Variants in MYT1L observed in about 807,000 individuals in gnomAD.
The protein encoded by MYT1L is myelin transcription factor 1 like.
A neutral mutation model predicts 126.7 loss-of-function variants in MYT1L; 12 were observed. The ratio of observed to expected loss-of-function variants is 0.09; its 90% CI spans 0.06 to 0.15. MYT1L has a LOEUF of 0.15. Ranked by LOEUF, MYT1L falls within the 10% of genes least tolerant of loss-of-function variation. The pLI, the probability that MYT1L is intolerant of heterozygous loss-of-function variation, is 1.00. For synonymous variants in MYT1L, 541 were observed against 604.2 expected, an observed-to-expected ratio of 0.90 and a Z score of 1.53; for missense variants, 979 against 1,585.2, an observed-to-expected ratio of 0.62 and a Z score of 6.49.
intron 3 of MYT1L, among the ~76,000 whole-genome samples, chr2:2,138,020 G>C (rs984434198): frequency 1.7e-3 from 255 of 152,282 alleles, no homozygotes; most frequent in Non-Finnish European, 2.2e-3. Flanking sequence ...CCATCAAAAA[G>C]TGGGCAAAGG....
chr2:1,994,511 C>G (rs193284069), intron 5 of MYT1L, among the ~76,000 whole-genome samples: 2 of 152,344 alleles, frequency 1.3e-5, no homozygotes, highest in East Asian at 3.9e-4. Context: ...CCTGGTGATG[C>G]TCAGAGGTGT....
intron 22 of MYT1L, among the ~76,000 whole-genome samples, chr2:1,807,725 G>A (rs200948641): frequency 7.0e-6 from 1 of 142,504 alleles, no homozygotes; most frequent in Admixed American, 7.1e-5. Context: ...TAAAGTTACT[G>A]CACACAGGCT....
chr2:2,033,696 G>A (rs2066665475), intron 4 of MYT1L, among the ~76,000 whole-genome samples: 3 of 152,184 alleles, frequency 2.0e-5, no homozygotes, highest in South Asian at 4.1e-4. Flanking sequence ...TGGAGTAGGG[G>A]AATCTATTAA....
chr2:2,283,071 TC>T (rs996944076), intron 2 of MYT1L, among the ~76,000 whole-genome samples: 6 of 151,510 alleles, frequency 4.0e-5, no homozygotes, highest in Admixed American at 2.6e-4. Flanking sequence ...CCAGACTCCA[TC>T]CCCCCCAACA....
intron 3 of MYT1L, among the ~76,000 whole-genome samples, chr2:2,154,337 C>T (rs914949026): frequency 2.0e-5 from 3 of 152,210 alleles, no homozygotes; most frequent in East Asian, 1.9e-4. Flanking sequence ...ACTTAAAACC[C>T]GTGGTGACAT....
chr2:2,247,944 T>C (rs2094565100), intron 2 of MYT1L, among the ~76,000 whole-genome samples: 1 of 151,456 alleles, frequency 6.6e-6, no homozygotes, highest in African/African-American at 2.4e-5. Flanking sequence ...GAAGAAAAAC[T>C]TCAAATAAAT....
chr2:1,974,293 G>A (rs1391476611), intron 8 of MYT1L: 2 of 152,196 alleles, frequency 1.3e-5, no homozygotes, highest in Non-Finnish European at 1.5e-5. Context: ...GGAGGTGCTC[G>A]GAGCAGCTGA....
chr2:2,125,214 C>T (rs1231031338), intron 3 of MYT1L, among the ~76,000 whole-genome samples: 1 of 152,144 alleles, frequency 6.6e-6, no homozygotes, highest in South Asian at 2.1e-4. Flanking sequence ...GTCTCCCTCA[C>T]TGCTGGGGTG....
At chr2:2,046,159 C>T (rs879677104) in intron 4 of MYT1L, among the ~76,000 whole-genome samples, 1 of 152,234 alleles carries the variant, frequency 6.6e-6, no homozygotes, top group Non-Finnish European at 1.5e-5. Context: ...TCCCCCCAGG[C>T]ACCTAATTCC....
chr2:1,815,111 G>A (rs958445678), intron 21 of MYT1L, among the ~76,000 whole-genome samples: 1 of 152,196 alleles, frequency 6.6e-6, no homozygotes, highest in African/African-American at 2.4e-5. Flanking sequence ...ATGAAAGGCA[G>A]ATGTCAGGAT....
chr2:2,075,286 C>T (rs1426712763), intron 3 of MYT1L, among the ~76,000 whole-genome samples: 1 of 152,152 alleles, frequency 6.6e-6, no homozygotes, highest in Non-Finnish European at 1.5e-5. Flanking sequence ...GGATTCTACC[C>T]TTTTGTGGGT....
chr2:2,238,159 G>A lies in MYT1L; in HGVS notation c.-421+46245C>T, dbSNP rs550277253. ...GAACCAGAGAACATGGGGTCAGGGG[G>A]TGGTGGGGCATCTGAATTGCTGTAT... is the stretch of plus-strand genomic sequence containing the variant. On this transcript the variant is annotated intron_variant, in intron 2 of 24. Coordinates refer to ENST00000647738, the MANE Select transcript of MYT1L (RefSeq NM_001303052.2). Among the ~76,000 whole-genome samples, 8 of 152,280 alleles carry A rather than the reference G, an allele frequency of 5.3e-5. No homozygotes were observed. In the South Asian group the frequency reaches 1.7e-3, roughly 32 times the overall value.
At chr2:1,860,731 A>G (rs1485489427) in intron 18 of MYT1L, among the ~76,000 whole-genome samples, 4 of 152,136 alleles carry the variant, frequency 2.6e-5, no homozygotes, top group African/African-American at 9.7e-5. Flanking sequence ...TTTCACAAAC[A>G]GTCCTTTGTC....
chr2:1,898,124 G>A (rs1558319258), intron 14 of MYT1L, among the ~76,000 whole-genome samples: 1 of 152,146 alleles, frequency 6.6e-6, no homozygotes, highest in Non-Finnish European at 1.5e-5. Context: ...TACATGCCTT[G>A]TTCTAGAAAT....
chr2:2,290,251 A>C (rs1382268949), intron 1 of MYT1L, among the ~76,000 whole-genome samples: 2 of 152,214 alleles, frequency 1.3e-5, no homozygotes, highest in African/African-American at 2.4e-5. Context: ...GCAAACGTTT[A>C]TCTGCAAGGA....
intron 21 of MYT1L, among the ~76,000 whole-genome samples, chr2:1,822,502 C>A (rs1051326184): frequency 6.6e-6 from 1 of 152,196 alleles, no homozygotes; most frequent in Non-Finnish European, 1.5e-5. Context: ...GATGCTCCTG[C>A]GTGCTCAGCA....
chr2:2,199,159 T>G (rs937074345), intron 2 of MYT1L, among the ~76,000 whole-genome samples: 89 of 152,168 alleles, frequency 5.8e-4, no homozygotes, highest in African/African-American at 2.1e-3. Context: ...CACAATGAGA[T>G]CTTTACAAAC....
At chr2:2,082,342 G>C (rs2075924930) in intron 3 of MYT1L, among the ~76,000 whole-genome samples, 1 of 152,168 alleles carries the variant, frequency 6.6e-6, no homozygotes, top group African/African-American at 2.4e-5. Flanking sequence ...GAGAACTTTA[G>C]TACCATAAAA....
chr2:1,872,805 A>T (rs2046429281), intron 18 of MYT1L, among the ~76,000 whole-genome samples: 1 of 152,212 alleles, frequency 6.6e-6, no homozygotes, highest in African/African-American at 2.4e-5. Context: ...ATGCTTATAC[A>T]GCTTATTTTG....
Sources: gnomAD v4.1 joint callset for allele counts (sites outside exome capture counted in the v4.1 genomes callset) on GRCh38, gnomAD v4.1.1 for gene constraint, MANE v1.5 for transcripts, NCBI Gene and HGNC (gene_info 2026-07-23, HGNC 2026-07-21) for gene names.